CA8: variants seen among roughly 807,000 people sequenced by gnomAD.
CA8 encodes carbonic anhydrase-related protein.
Under a neutral mutation model 41.4 loss-of-function variants are expected in CA8, and 22 were observed. That is an observed-to-expected ratio of 0.53 (90% CI 0.38 to 0.76). The LOEUF (loss-of-function observed/expected upper bound fraction) is 0.76. Among genes scored for constraint, CA8 ranks in the 30% least tolerant of loss-of-function variants. The probability of loss-of-function intolerance (pLI) is 0.00; values close to 1 mark genes in which losing one functional copy is unlikely to be tolerated. For missense variants in CA8, 270 were observed against 352.8 expected (o/e 0.77, Z 1.88); for synonymous variants, 121 against 130.6 (o/e 0.93, Z 0.50).
chr8:60,260,664 T>C (rs1271169392), intron 3 of CA8, among the ~76,000 whole-genome samples: 1 of 152,224 alleles, frequency 6.6e-6, no homozygotes, highest in Non-Finnish European at 1.5e-5. Context: ...TTTGAACTCT[T>C]AGATTTCTTC....
At position 60,193,523 on chromosome 8, in the gene CA8, A is replaced by G. The variant is rs79202046; in HGVS notation, c.*36-3538T>C. Among the ~76,000 whole-genome samples the G allele has an allele frequency of 8.2e-3, 1,242 of 152,318 alleles. 11 individuals are homozygous for G. The highest frequency in any genetic ancestry group is 0.027 in the African/African-American group (1,110 of 41,582). ...TAAATTTGTGGTGGCTTTGATATCT[A>G]TAAATGACTACTGTAACCACACACT... On this transcript the variant is annotated intron_variant, in intron 8 of 8. Transcript: ENST00000317995.
intron 2 of CA8, among the ~76,000 whole-genome samples, chr8:60,268,025 C>T (rs917149839): frequency 6.6e-6 from 1 of 152,128 alleles, no homozygotes; most frequent in Admixed American, 6.5e-5. Flanking sequence ...GACCAGGAGT[C>T]TACCCACTGT....
chr8:60,278,866 T>C (rs1224700079), intron 2 of CA8, among the ~76,000 whole-genome samples: 1 of 152,192 alleles, frequency 6.6e-6, no homozygotes, highest in African/African-American at 2.4e-5. Flanking sequence ...TCGAGCACAG[T>C]CTCTATTTAT....
intron 8 of CA8, among the ~76,000 whole-genome samples, chr8:60,194,524 G>A (rs550611123): frequency 6.6e-6 from 1 of 152,150 alleles, no homozygotes; most frequent in African/African-American, 2.4e-5. Context: ...TCACTCAATT[G>A]TGTCTGTGTC....
intron 3 of CA8, among the ~76,000 whole-genome samples, chr8:60,242,848 A>G (rs1808084035): frequency 6.6e-6 from 1 of 152,250 alleles, no homozygotes; most frequent in South Asian, 2.1e-4. Flanking sequence ...CAGCACTGAA[A>G]GGTCTAGCGC....
intron 5 of CA8, 152 bp from the exon 6 acceptor site, chr8:60,224,737 C>G: frequency 1.6e-6 from 1 of 629,970 alleles, no homozygotes; most frequent in Non-Finnish European, 2.8e-6. Flanking sequence ...TCCACCTTCT[C>G]ATTGGAGTAA....
Position 60,279,885 on chromosome 8 carries a change from G to A in CA8, c.101-5C>T, listed in dbSNP as rs1311434261. 2.5e-6 allele frequency: 4 copies of A among 1,600,182 alleles called. No individual in the cohort carries two copies. The highest frequency in any genetic ancestry group is 1.3e-5 in the African/African-American group (1 of 74,166). On this transcript the variant is annotated splice_region_variant and splice_polypyrimidine_tract_variant and intron_variant, in intron 1 of 8. Transcript: ENST00000317995. ...ACACCAGACCCCACTCAACACCTAA[G>A]AACAAAATGAAATAAATTAAAAACA...
chr8:60,270,766 C>CT (rs1804045505), intron 2 of CA8, among the ~76,000 whole-genome samples: 1 of 152,286 alleles, frequency 6.6e-6, no homozygotes, highest in Middle Eastern at 3.4e-3. Flanking sequence ...CTCAAAGTAA[C>CT]TTTTAAGAAA....
chr8:60,216,573 C>T (rs1807029904), intron 7 of CA8, among the ~76,000 whole-genome samples: 1 of 152,136 alleles, frequency 6.6e-6, no homozygotes, highest in Non-Finnish European at 1.5e-5. Context: ...GGGAGCATGA[C>T]TTTAGTAGGT....
intron 2 of CA8, among the ~76,000 whole-genome samples, chr8:60,267,101 A>G (rs1202320497): frequency 6.6e-6 from 1 of 152,252 alleles, no homozygotes; most frequent in Non-Finnish European, 1.5e-5. Context: ...CTCAAAGGAG[A>G]AGAAAGCAAA....
chr8:60,222,083 C>T (rs1309340770), intron 7 of CA8, among the ~76,000 whole-genome samples: 2 of 152,162 alleles, frequency 1.3e-5, no homozygotes, highest in African/African-American at 4.8e-5. Flanking sequence ...CATGTTCCAC[C>T]AGCTAACATC....
intron 3 of CA8, among the ~76,000 whole-genome samples, chr8:60,255,711 T>G (rs1215780820): frequency 1.3e-5 from 2 of 152,176 alleles, no homozygotes; most frequent in Non-Finnish European, 2.9e-5. Context: ...TAAACTCAGG[T>G]TCTTCTATTC....
intron 2 of CA8, among the ~76,000 whole-genome samples, chr8:60,272,894 C>T (rs1052323445): frequency 6.6e-6 from 1 of 152,242 alleles, no homozygotes; most frequent in Non-Finnish European, 1.5e-5. Context: ...CACAGGTGCA[C>T]ATCTCCAGTT....
At chr8:60,262,702 T>C (rs7845524) in intron 3 of CA8, among the ~76,000 whole-genome samples, 77,031 of 152,116 alleles carry the variant, frequency 0.51, 21,557 homozygotes, top group African/African-American at 0.77. Context: ...AGGAAAAATG[T>C]AGCATGATTA....
intron 7 of CA8, among the ~76,000 whole-genome samples, chr8:60,215,342 CGT>C (rs1294810226): frequency 2.1e-4 from 28 of 130,548 alleles, no homozygotes; most frequent in Non-Finnish European, 3.0e-4. Context: ...AAAACACTGT[CGT>C]GTGTGTGTGT....
chr8:60,238,583 T>C (rs1807912927), intron 3 of CA8, among the ~76,000 whole-genome samples: 1 of 152,102 alleles, frequency 6.6e-6, no homozygotes, highest in African/African-American at 2.4e-5. Context: ...GGGACCCCCG[T>C]GCCTTTATCT....
intron 7 of CA8, among the ~76,000 whole-genome samples, chr8:60,216,312 T>G (rs2130446908): frequency 7.1e-6 from 1 of 140,118 alleles, no homozygotes; most frequent in East Asian, 2.0e-4. Context: ...TAATTTTTTC[T>G]AAATCACTCT....
chr8:60,193,841 T>C (rs1806203409), intron 8 of CA8, among the ~76,000 whole-genome samples: 1 of 152,202 alleles, frequency 6.6e-6, no homozygotes, highest in African/African-American at 2.4e-5. Flanking sequence ...TCACGAGTTC[T>C]GGGGAAATGC....
intron 2 of CA8, among the ~76,000 whole-genome samples, chr8:60,277,151 C>A (rs1436013286): frequency 6.9e-6 from 1 of 145,706 alleles, no homozygotes; most frequent in Non-Finnish European, 1.5e-5. Flanking sequence ...AGAAAATTGG[C>A]CTCGTCTTCA....
Sources: gnomAD v4.1 joint callset for allele counts (sites outside exome capture counted in the v4.1 genomes callset) on GRCh38, gnomAD v4.1.1 for gene constraint, MANE v1.5 for transcripts, NCBI Gene and HGNC (gene_info 2026-07-23, HGNC 2026-07-21) for gene names.